Variants in SLIT3 observed in about 807,000 individuals in gnomAD.
SLIT3 encodes slit homolog 3 protein.
Under a neutral mutation model 184.0 loss-of-function variants are expected in SLIT3, and 68 were observed. The observed-to-expected ratio is 0.37, with a 90% CI of 0.30 to 0.45. The LOEUF is 0.45. SLIT3 is among the 20% of genes least tolerant of loss of function. The pLI, the probability that SLIT3 is intolerant of heterozygous loss-of-function variation, is 1.00. For missense variants in SLIT3, 1,707 were observed against 2,026.0 expected, an observed-to-expected ratio of 0.84 and a Z score of 3.02; for synonymous variants, 831 against 828.6, an observed-to-expected ratio of 1.00 and a Z score of -0.05.
chr5:169,250,553 A>T (rs1335832947), intron 2 of SLIT3, among the ~76,000 whole-genome samples: 2 of 152,204 alleles, frequency 1.3e-5, no homozygotes, highest in African/African-American at 2.4e-5. Context: ...TATTTATTAT[A>T]TAGGGCTATT....
chr5:169,263,620 A>T (rs1356789982), intron 1 of SLIT3: 1 of 490,250 alleles, frequency 2.0e-6, no homozygotes, highest in Non-Finnish European at 4.1e-6. Context: ...CAGCCCTAGC[A>T]TACAGATACG....
intron 3 of SLIT3, among the ~76,000 whole-genome samples, chr5:169,205,222 A>T (rs760565099): frequency 1.3e-5 from 2 of 152,164 alleles, no homozygotes; most frequent in Non-Finnish European, 2.9e-5. Context: ...GGGGCTTAGG[A>T]AGGCTGTGCT....
chr5:169,030,527 C>T (rs1381784596), intron 4 of SLIT3: 1 of 152,204 alleles, frequency 6.6e-6, no homozygotes, highest in African/African-American at 2.4e-5. Flanking sequence ...TTTCTGACCA[C>T]CCACCTAAAT....
intron 4 of SLIT3, among the ~76,000 whole-genome samples, chr5:169,086,087 C>T (rs1378060501): frequency 6.6e-6 from 1 of 152,200 alleles, no homozygotes; most frequent in East Asian, 1.9e-4. Flanking sequence ...TTCCTCACAG[C>T]CCCAACGTGT....
intron 32 of SLIT3, among the ~76,000 whole-genome samples, chr5:168,680,011 C>T (rs1405031242): frequency 1.3e-5 from 2 of 152,248 alleles, no homozygotes; most frequent in African/African-American, 2.4e-5. Flanking sequence ...ATGGCCAACA[C>T]TCAAAAACTT....
intron 14 of SLIT3, among the ~76,000 whole-genome samples, chr5:168,765,926 G>T (rs879677665): frequency 6.6e-6 from 1 of 152,080 alleles, no homozygotes; most frequent in Non-Finnish European, 1.5e-5. Context: ...TTAATAGACG[G>T]GGGGGTGGGG....
At chr5:168,744,329 C>A (rs1436926815) in intron 20 of SLIT3, among the ~76,000 whole-genome samples, 1 of 152,150 alleles carries the variant, frequency 6.6e-6, no homozygotes, top group African/African-American at 2.4e-5. Context: ...ATCTTCATAA[C>A]AGGAAAGTGT....
At chr5:168,789,342 A>G (rs981294820) in intron 11 of SLIT3, among the ~76,000 whole-genome samples, 1 of 152,218 alleles carries the variant, frequency 6.6e-6, no homozygotes, top group African/African-American at 2.4e-5. Flanking sequence ...GAAAGCTGCC[A>G]GGCGCTTAAT....
intron 4 of SLIT3, among the ~76,000 whole-genome samples, chr5:168,931,633 G>A (rs1201001085): frequency 1.3e-5 from 2 of 152,206 alleles, no homozygotes; most frequent in Non-Finnish European, 2.9e-5. Context: ...GACCTAGGCT[G>A]GGTGCCGGAG....
intron 5 of SLIT3, 181 bp from the exon 6 acceptor site, chr5:168,844,836 G>T: frequency 1.7e-6 from 1 of 581,576 alleles, no homozygotes; most frequent in Non-Finnish European, 3.1e-6. Context: ...GACTGTCTGA[G>T]AGAACTACAC....
chr5:168,920,107 C>G (rs1030526994), intron 4 of SLIT3, among the ~76,000 whole-genome samples: 1 of 152,144 alleles, frequency 6.6e-6, no homozygotes, highest in East Asian at 1.9e-4. Context: ...ACATCAGGCT[C>G]TCTGCAACAA....
chr5:169,041,892 C>T (rs17667033), intron 4 of SLIT3, among the ~76,000 whole-genome samples: 24,680 of 152,020 alleles, frequency 0.16, 2,794 homozygotes, highest in East Asian at 0.51. Context: ...TCTTAGGAAC[C>T]CAAGTGGATA....
intron 20 of SLIT3, among the ~76,000 whole-genome samples, chr5:168,734,050 G>T (rs1210285839): frequency 6.6e-6 from 1 of 152,144 alleles, no homozygotes; most frequent in Non-Finnish European, 1.5e-5. Context: ...GGAGGGTGCT[G>T]AGGGCTGAAA....
chr5:169,227,495 T>C (rs1466263135), intron 3 of SLIT3, among the ~76,000 whole-genome samples: 1 of 152,194 alleles, frequency 6.6e-6, no homozygotes, highest in Non-Finnish European at 1.5e-5. Context: ...TGGCACGATC[T>C]TGGCTTACTG....
intron 1 of SLIT3, among the ~76,000 whole-genome samples, chr5:169,295,933 C>T (rs7380303): frequency 0.69 from 105,191 of 152,056 alleles, 36,794 homozygotes; most frequent in South Asian, 0.79. Flanking sequence ...GGTTTAAGTG[C>T]TCAGGATTTC....
At chr5:168,949,609 T>C (rs1369087722) in intron 4 of SLIT3, among the ~76,000 whole-genome samples, 1 of 135,820 alleles carries the variant, frequency 7.4e-6, no homozygotes, top group Non-Finnish European at 1.7e-5. Context: ...TTTTGTCTTG[T>C]TTTTTTTGAG....
chr5:168,859,955 A>G (rs909984706), intron 5 of SLIT3, among the ~76,000 whole-genome samples: 1 of 151,522 alleles, frequency 6.6e-6, no homozygotes, highest in Non-Finnish European at 1.5e-5. Flanking sequence ...CTACTTACTT[A>G]TCTATGATCC....
intron 4 of SLIT3, among the ~76,000 whole-genome samples, chr5:169,080,227 C>CAAAGTCAGGGCCT (rs1455561738): frequency 3.3e-5 from 5 of 152,084 alleles, no homozygotes; most frequent in Non-Finnish European, 7.4e-5. Flanking sequence ...AGTCAGGGCC[C>CAAAGTCAGGGCCT]AAAGTCAGGG....
At chr5:169,042,509 A>G (rs1757479592) in intron 4 of SLIT3, among the ~76,000 whole-genome samples, 1 of 152,222 alleles carries the variant, frequency 6.6e-6, no homozygotes, top group South Asian at 2.1e-4. Context: ...TCCTAGGGTT[A>G]TAATTGAGAT....
Sources: gnomAD v4.1 joint callset for allele counts (sites outside exome capture counted in the v4.1 genomes callset) on GRCh38, gnomAD v4.1.1 for gene constraint, MANE v1.5 for transcripts, NCBI Gene and HGNC (gene_info 2026-07-23, HGNC 2026-07-21) for gene names.